Variants in RIMBP2 observed in about 807,000 individuals in gnomAD.
RIMBP2 encodes the protein RIMS-binding protein 2.
RIMBP2 carries 48 observed loss-of-function variants against 118.6 expected under a neutral mutation model. The observed-to-expected ratio is 0.40, with a 90% confidence interval of 0.32 to 0.51. The LOEUF (loss-of-function observed/expected upper bound fraction) is 0.51. Among genes scored for constraint, RIMBP2 ranks in the 20% least tolerant of loss-of-function variants. The pLI, the probability that RIMBP2 is intolerant of heterozygous loss-of-function variation, is 0.41. For synonymous variants in RIMBP2, 762 were observed against 742.9 expected (o/e 1.03, Z -0.42); for missense variants, 1,551 against 1,768.3 (o/e 0.88, Z 2.20).
intron 2 of RIMBP2, among the ~76,000 whole-genome samples, chr12:130,611,165 G>T (rs566975121): frequency 6.6e-6 from 1 of 152,164 alleles, no homozygotes; most frequent in South Asian, 2.1e-4. Flanking sequence ...CATGGGCTCC[G>T]GCCTCCAGGC....
intron 2 of RIMBP2, among the ~76,000 whole-genome samples, chr12:130,611,889 AG>A (rs1241523024): frequency 6.6e-6 from 1 of 152,208 alleles, no homozygotes; most frequent in African/African-American, 2.4e-5. Context: ...AGAGGACCCC[AG>A]GTCTAAGAAG....
At chr12:130,533,447 A>G (rs1031053656) in intron 2 of RIMBP2, among the ~76,000 whole-genome samples, 1 of 152,230 alleles carries the variant, frequency 6.6e-6, no homozygotes, top group Non-Finnish European at 1.5e-5. Flanking sequence ...ACTCTTACAC[A>G]CTGATTTGGA....
chr12:130,441,817 T>TGG (rs1566043006), intron 11 of RIMBP2, 31 bp downstream of exon 11: 1 of 1,596,384 alleles, frequency 6.3e-7, no homozygotes, highest in Admixed American at 1.7e-5. Flanking sequence ...GTTCTCTCCC[T>TGG]GGGGGACCCA....
At chr12:130,516,074 C>T (rs1193187080) in intron 3 of RIMBP2, among the ~76,000 whole-genome samples, 1 of 152,118 alleles carries the variant, frequency 6.6e-6, no homozygotes, top group East Asian at 1.9e-4. Flanking sequence ...GAGCAAATTC[C>T]ATACTGTTTT....
rs1389991025 is a variant in RIMBP2, at chr12:130,396,694, A to AAGTT, written c.*663_*666dup. 2 of 152,652 alleles carry AAGTT rather than the reference A, an allele frequency of 1.3e-5. No homozygotes were observed. Among genetic ancestry groups the AAGTT allele is most frequent in the East Asian group, 1.9e-4 (1 of 5,200 alleles). The allele number at this position is 152,652 out of a possible 1,614,324, so 9.5% of individuals were successfully genotyped here. A position where few individuals can be genotyped will look rare whatever the true frequency, so the allele number is the denominator to read the frequency against. On this transcript the variant is annotated 3_prime_UTR_variant, in exon 23 of 23. Transcript: ENST00000690449. ...TGGAGTACTGGTGCTTTACCAAACA[A>AAGTT]AGTTACTTTCTCTCCTTTTCTCTTT...
chr12:130,454,658 GC>G (rs770043225), intron 7 of RIMBP2, among the ~76,000 whole-genome samples: 59 of 152,392 alleles, frequency 3.9e-4, no homozygotes, highest in Non-Finnish European at 7.3e-4. Flanking sequence ...CTGCCAGGCG[GC>G]CCTGGCTTAG....
intron 21 of RIMBP2, among the ~76,000 whole-genome samples, chr12:130,403,695 A>G (rs2074876249): frequency 6.6e-6 from 1 of 152,138 alleles, no homozygotes; most frequent in Non-Finnish European, 1.5e-5. Flanking sequence ...AAAGGTTGAA[A>G]TTTTCTTAGT....
Position 130,446,346 on chromosome 12 carries a change from T to C in RIMBP2, c.582-1077A>G, listed in dbSNP as rs2078522456. Among the ~76,000 whole-genome samples, 1 of 152,236 alleles carries C rather than the reference T, an allele frequency of 6.6e-6. No homozygotes were observed. Among genetic ancestry groups the C allele is most frequent in the Admixed American group, 6.5e-5 (1 of 15,286 alleles). On this transcript the variant is annotated intron_variant, in intron 9 of 22. Transcript: ENST00000690449. The surrounding 1 kb of genome is among the most constrained non-coding windows in gnomAD (Gnocchi z 4.1). ...CACGTTTTATTCGATGGCCATTAAA[T>C]GTTAGGAAAACAGAGAAGATAAGGT...
intron 1 of RIMBP2, among the ~76,000 whole-genome samples, chr12:130,662,491 A>G (rs1190327181): frequency 1.3e-5 from 2 of 151,992 alleles, no homozygotes; most frequent in African/African-American, 4.8e-5. Flanking sequence ...CCCCATCTCT[A>G]CTAAAAATTC....
rs756482135 is a variant in RIMBP2, at chr12:130,422,612, G to A, written c.3130-51C>T. On this transcript the variant is annotated intron_variant, in intron 16 of 22. Coordinates refer to ENST00000690449, the MANE Select transcript of RIMBP2 (RefSeq NM_001393629.1). The surrounding 1 kb of genome is among the most constrained non-coding windows in gnomAD (Gnocchi z 5.2). ...GTAAGTCTCGCCAGCATTGGGAACT[G>A]AAGAATTCAGTTAGCCAAATCAAGC... 6.9e-6 allele frequency: 9 copies of A among 1,311,652 alleles called. No homozygotes were observed. The African/African-American group carries it at 1.2e-4, about 17-fold the overall frequency. 81.3% of individuals were successfully genotyped at this position (1,311,652 alleles called of 1,614,324 possible). A position where few individuals can be genotyped will look rare whatever the true frequency, so the allele number is the denominator to read the frequency against.
intron 2 of RIMBP2, among the ~76,000 whole-genome samples, chr12:130,626,958 G>T (rs1408857247): frequency 6.7e-6 from 1 of 149,498 alleles, no homozygotes; most frequent in African/African-American, 2.5e-5. Context: ...TTATCACCAC[G>T]ACTACCGCCA....
intron 2 of RIMBP2, among the ~76,000 whole-genome samples, chr12:130,592,930 C>T (rs1593949027): frequency 6.6e-6 from 1 of 152,292 alleles, no homozygotes; most frequent in East Asian, 1.9e-4. Context: ...CTTCTGGCCT[C>T]ATCTTCCATA....
intron 2 of RIMBP2, among the ~76,000 whole-genome samples, chr12:130,627,751 G>A (rs1368197424): frequency 6.6e-6 from 1 of 152,102 alleles, no homozygotes; most frequent in African/African-American, 2.4e-5. Flanking sequence ...ATGGCTAGCA[G>A]GTCCTGCTGC....
In RIMBP2 at chr12:130,617,917, T is replaced by C. The variant is rs2061047408; in HGVS notation, c.-217+10405A>G. Among the ~76,000 whole-genome samples, 1 of 149,056 alleles carries C rather than the reference T, an allele frequency of 6.7e-6. No individual in the cohort carries two copies. The highest frequency in any genetic ancestry group is 1.5e-5 in the Non-Finnish European group (1 of 67,586). ...CTTAGAAACATCTAACTCGGCCGGG[T>C]GTGGTGGCCCACGCCTGTAATCCCA... On this transcript the variant is annotated intron_variant, in intron 2 of 22. Coordinates refer to ENST00000690449, the MANE Select transcript of RIMBP2 (RefSeq NM_001393629.1). The surrounding 1 kb of genome is among the most constrained non-coding windows in gnomAD (Gnocchi z 4.6).
chr12:130,410,790 T>C (rs1475996910), intron 19 of RIMBP2, among the ~76,000 whole-genome samples: 1 of 152,240 alleles, frequency 6.6e-6, no homozygotes, highest in Non-Finnish European at 1.5e-5. Context: ...AATTAGCTTA[T>C]GTGAATCTTC....
At chr12:130,408,054 G>C (rs1377789070) in intron 19 of RIMBP2, among the ~76,000 whole-genome samples, 1 of 152,144 alleles carries the variant, frequency 6.6e-6, no homozygotes, top group Non-Finnish European at 1.5e-5. Flanking sequence ...CTCCCCCTTA[G>C]ACTAACATGA....
intron 2 of RIMBP2, among the ~76,000 whole-genome samples, chr12:130,590,178 C>T (rs148947941): frequency 4.1e-4 from 63 of 152,302 alleles, no homozygotes; most frequent in Non-Finnish European, 7.8e-4. Context: ...TAACACAATG[C>T]CAAGCGGTCT....
intron 5 of RIMBP2, among the ~76,000 whole-genome samples, chr12:130,474,611 G>A (rs1407774022): frequency 6.6e-6 from 1 of 152,236 alleles, no homozygotes; most frequent in Admixed American, 6.5e-5. Context: ...TCTGGTCTGA[G>A]GGAGACTCAG....
chr12:130,683,046 T>C lies in RIMBP2; in HGVS notation c.-352+33176A>G, dbSNP rs1280798275. On this transcript the variant is annotated intron_variant, in intron 1 of 22. Transcript: ENST00000690449. This position sits in a 1 kb window ranked among gnomAD's most constrained non-coding sequence, Gnocchi z 4.4. Reference sequence around the variant, plus strand: ...TTTTATCTTTAAGGTGAGGTCGTAGTAGTTGAATAGTGCCTTCCCCAAAAA... The same window carrying C: ...TTTTATCTTTAAGGTGAGGTCGTAGCAGTTGAATAGTGCCTTCCCCAAAAA... Among the ~76,000 whole-genome samples the C allele has an allele frequency of 6.6e-6, 1 of 152,110 alleles. No individual in the cohort carries two copies. Among genetic ancestry groups the C allele is most frequent in the Non-Finnish European group, 1.5e-5 (1 of 68,032 alleles).
Sources: gnomAD v4.1 joint callset for allele counts (sites outside exome capture counted in the v4.1 genomes callset) on GRCh38, gnomAD v4.1.1 for gene constraint, Gnocchi (gnomAD v3.1) non-coding constraint, MANE v1.5 for transcripts, NCBI Gene and HGNC (gene_info 2026-07-23, HGNC 2026-07-21) for gene names.